Variants in LRRIQ1 observed in about 807,000 individuals in gnomAD.
LRRIQ1 encodes the protein leucine-rich repeat- and IQ domain-containing protein 1.
A neutral mutation model predicts 211.9 loss-of-function variants in LRRIQ1; 210 were observed. That is an observed-to-expected ratio of 0.99 (90% confidence interval 0.89 to 1.11). The LOEUF is 1.11. Ranked by LOEUF, LRRIQ1 falls within the 50% of genes most tolerant of loss-of-function variation. The pLI, the probability that LRRIQ1 is intolerant of heterozygous loss-of-function variation, is 0.00. For missense variants in LRRIQ1, 2,136 were observed against 1,939.5 expected, an observed-to-expected ratio of 1.10 and a Z score of -1.90; for synonymous variants, 699 against 650.1, an observed-to-expected ratio of 1.08 and a Z score of -1.14.
chr12:85,237,564 TGAA>T (rs1895248611), intron 26 of LRRIQ1, among the ~76,000 whole-genome samples: 1 of 152,020 alleles, frequency 6.6e-6, no homozygotes, highest in Non-Finnish European at 1.5e-5. Context: ...ATATCTGAAC[TGAA>T]AAGAGACTCT....
At chr12:85,059,721 A>G (rs755244376) in intron 8 of LRRIQ1, among the ~76,000 whole-genome samples, 13 of 152,008 alleles carry the variant, frequency 8.6e-5, no homozygotes, top group Non-Finnish European at 1.5e-4. Context: ...AAAGAATTCC[A>G]GTCGAAATAT....
At chr12:85,073,961 A>G (rs936073098) in intron 11 of LRRIQ1, among the ~76,000 whole-genome samples, 1 of 152,054 alleles carries the variant, frequency 6.6e-6, no homozygotes, top group Non-Finnish European at 1.5e-5. Flanking sequence ...ATTCCATGCT[A>G]TAATATTTCT....
chr12:85,085,121 G>GC (rs774659365), intron 11 of LRRIQ1, among the ~76,000 whole-genome samples: 5 of 151,474 alleles, frequency 3.3e-5, no homozygotes, highest in Non-Finnish European at 2.9e-5. Flanking sequence ...TGTTTCCCCC[G>GC]CCCCCCAATT....
At chr12:85,042,105 A>G (rs1878955009) in intron 3 of LRRIQ1, among the ~76,000 whole-genome samples, 1 of 151,902 alleles carries the variant, frequency 6.6e-6, no homozygotes, top group South Asian at 2.1e-4. Context: ...ATTGACAGGT[A>G]TACAGCCTAT....
exon 2 of LRRIQ1, chr12:85,264,435 T>G (rs886480240): frequency 6.6e-6 from 1 of 152,066 alleles, no homozygotes. Context: ...TTGATATATA[T>G]GTCAATAAAA....
intron 1 of LRRIQ1, among the ~76,000 whole-genome samples, chr12:85,250,962 T>TAATATATTTTA (rs71076119): frequency 7.4e-5 from 6 of 81,012 alleles, no homozygotes; most frequent in East Asian, 4.1e-4. Context: ...ATATTATATA[T>TAATATATTTTA]TATATTATAT....
chr12:85,205,654 G>A (rs1405068466), intron 24 of LRRIQ1, among the ~76,000 whole-genome samples: 2 of 152,152 alleles, frequency 1.3e-5, no homozygotes, highest in Non-Finnish European at 2.9e-5. Context: ...CTCTGGCAAG[G>A]TTGGGAAAAT....
At position 85,052,236 on chromosome 12, in the gene LRRIQ1, A is replaced by T. The variant is rs2135957850; in HGVS notation, c.738A>T (p.Lys246Asn). ...LYKEEKIWKE[K>N]FKQHEEYIRN... ...AAGAAGAGAAAATTTGGAAAGAGAA[A>T]TTTAAACAGCATGAGGTATCTATTT... Residue 246 changes from lysine to asparagine, a missense_variant, in exon 7 of 27, where the codon AAA becomes AAT. Transcript: ENST00000393217. 1.3e-6 allele frequency: 2 copies of T among 1,539,104 alleles called. No homozygotes were observed. Among genetic ancestry groups the T allele is most frequent in the Middle Eastern group, 1.7e-4 (1 of 5,864 alleles).
In LRRIQ1 at chr12:85,217,542, G is replaced by A. The variant is rs1196638588; in HGVS notation, c.4823-11975G>A. On this transcript the variant is annotated intron_variant, in intron 24 of 26. Coordinates refer to ENST00000393217, the MANE Select transcript of LRRIQ1 (RefSeq NM_001079910.2). ...TGTGTGTGTGTGTGTGTGTGTGTGTGTGTGTGTGTATATAGGTATATATAT... is the reference window on the plus strand; with the variant it reads ...TGTGTGTGTGTGTGTGTGTGTGTGTATGTGTGTGTATATAGGTATATATAT... Among the ~76,000 whole-genome samples the A allele has an allele frequency of 3.7e-4, 42 of 112,494 alleles. 1 individual carries two copies. Among genetic ancestry groups the A allele is most frequent in the Admixed American group, 8.9e-5 (1 of 11,218 alleles). The allele number at this position is 112,494 out of a possible 152,430, so 73.8% of individuals were successfully genotyped here.
intron 8 of LRRIQ1, among the ~76,000 whole-genome samples, chr12:85,060,313 A>G (rs1392840271): frequency 1.3e-5 from 2 of 152,022 alleles, no homozygotes; most frequent in African/African-American, 2.4e-5. Context: ...TAATATCTCA[A>G]AAGAGAAGAC....
At chr12:85,174,194 A>G (rs1486516757) in intron 24 of LRRIQ1, among the ~76,000 whole-genome samples, 1 of 152,104 alleles carries the variant, frequency 6.6e-6, no homozygotes, top group Non-Finnish European at 1.5e-5. Flanking sequence ...GGGTATGCCC[A>G]TGAAATAGAA....
intron 7 of LRRIQ1, among the ~76,000 whole-genome samples, chr12:85,054,182 G>C (rs766751868): frequency 1.6e-4 from 24 of 152,090 alleles, no homozygotes; most frequent in Non-Finnish European, 3.4e-4. Flanking sequence ...TTTAAGATAT[G>C]ACAGTACATA....
chr12:85,064,159 G>A (rs1267632513), intron 8 of LRRIQ1, among the ~76,000 whole-genome samples: 1 of 151,774 alleles, frequency 6.6e-6, no homozygotes, highest in Non-Finnish European at 1.5e-5. Flanking sequence ...AGTGTAAGAG[G>A]TTCCCTTTTC....
In LRRIQ1 at chr12:85,124,323, G is replaced by T. The variant is rs778085729; in HGVS notation, c.3811G>T (p.Val1271Phe). 6.2e-7 allele frequency: 1 copy of T among 1,614,030 alleles called. No individual in the cohort carries two copies. The highest frequency in any genetic ancestry group is 8.5e-7 in the Non-Finnish European group (1 of 1,180,024). Residue 1271 changes from valine to phenylalanine, a missense_variant, in exon 17 of 27, where the codon GTC becomes TTC. Transcript: ENST00000393217. ...TATTCCTGAGAAATGGATGGACTCTGTCTCCAGCCACTCCCCATTAAGCAA... is the reference window on the plus strand; with the variant it reads ...TATTCCTGAGAAATGGATGGACTCTTTCTCCAGCCACTCCCCATTAAGCAA... ...PDIPEKWMDS[V>F]SSHSPLSKSA...
Position 85,160,692 on chromosome 12 carries a change from C to A in LRRIQ1, c.4800C>A (p.Pro1600=). 1 of 1,597,614 alleles carries A rather than the reference C, an allele frequency of 6.3e-7. No individual in the cohort carries two copies. The highest frequency in any genetic ancestry group is 8.6e-7 in the Non-Finnish European group (1 of 1,168,608). ...SLPKSPKMVQ[P]RRDGYFEGIE... is the part of the protein sequence containing the mutation. ...CAAAATCACCAAAGATGGTACAGCC[C>A]AGAAGAGATGGTTACTTTGAAGGTA... Residue 1600 remains proline (P), a synonymous_variant, in exon 24 of 27, where the codon CCC becomes CCA. Coordinates refer to ENST00000393217, the MANE Select transcript of LRRIQ1 (RefSeq NM_001079910.2).
intron 11 of LRRIQ1, among the ~76,000 whole-genome samples, chr12:85,090,044 C>G (rs777815981): frequency 1.3e-5 from 2 of 152,316 alleles, no homozygotes; most frequent in Non-Finnish European, 2.9e-5. Context: ...CCCCACATCC[C>G]GGCTGCTCTA....
intron 19 of LRRIQ1, among the ~76,000 whole-genome samples, chr12:85,141,579 CTT>C (rs34401786): frequency 7.5e-5 from 10 of 132,716 alleles, no homozygotes; most frequent in Non-Finnish European, 1.5e-4. Flanking sequence ...CCTACAGCAG[CTT>C]TTTTTTTTTT....
chr12:85,230,390 A>G (rs1466753500), intron 25 of LRRIQ1, among the ~76,000 whole-genome samples: 4 of 152,178 alleles, frequency 2.6e-5, no homozygotes, highest in Non-Finnish European at 1.5e-5. Flanking sequence ...GCAGATGGCT[A>G]CTTTCTTGCT....
chr12:85,151,491 C>G (rs574823637), intron 19 of LRRIQ1, among the ~76,000 whole-genome samples: 60 of 151,608 alleles, frequency 4.0e-4, no homozygotes, highest in Middle Eastern at 3.4e-3. Context: ...TTCTAAGCAT[C>G]TTTTTTCCCC....
Sources: allele counts gnomAD v4.1 joint callset (sites outside exome capture counted in the v4.1 genomes callset), GRCh38; gene constraint gnomAD v4.1.1; transcripts MANE v1.5; gene names NCBI Gene and HGNC (gene_info 2026-07-23, HGNC 2026-07-21).